The following LGSN variants were observed in gnomAD, a reference collection of about 807,000 sequenced individuals.
The protein encoded by LGSN is lengsin.
A neutral mutation model predicts 19.5 loss-of-function variants in LGSN; 21 were observed. The ratio of observed to expected loss-of-function variants is 1.07; its 90% confidence interval spans 0.76 to 1.55. The LOEUF (loss-of-function observed/expected upper bound fraction) is 1.55. Among genes scored for constraint, LGSN ranks in the 40% most tolerant of loss-of-function variants. LGSN has a pLI of 0.00. For missense variants in LGSN, 673 were observed against 608.5 expected (o/e 1.11, Z -1.12); for synonymous variants, 257 against 215.6 (o/e 1.19, Z -1.68).
the LGSN span, among the ~76,000 whole-genome samples, chr6:63,545,934 C>G: frequency 6.6e-6 from 1 of 152,126 alleles, no homozygotes; most frequent in African/African-American, 2.4e-5. Flanking sequence ...TACTCATTTG[C>G]TTAAAACAAG....
At chr6:63,412,709 G>GGAA in the LGSN span, among the ~76,000 whole-genome samples, 26 of 65,238 alleles carry the variant, frequency 4.0e-4, 1 homozygote, top group African/African-American at 1.7e-3. Context: ...GAAAGAAAGA[G>GGAA]GGAAGGAAGG....
chr6:63,419,919 A>G, the LGSN span, among the ~76,000 whole-genome samples: 1 of 119,320 alleles, frequency 8.4e-6, no homozygotes, highest in East Asian at 2.2e-4. Flanking sequence ...AAAAAAAAAA[A>G]AAAAAGCCTG....
chr6:63,380,423 G>A, the LGSN span, among the ~76,000 whole-genome samples: 3 of 152,202 alleles, frequency 2.0e-5, no homozygotes, highest in East Asian at 3.8e-4. Context: ...AAAGGAAACA[G>A]CATTCCTCCC....
chr6:63,329,360 G>A, the LGSN span, among the ~76,000 whole-genome samples: 2 of 152,156 alleles, frequency 1.3e-5, no homozygotes, highest in East Asian at 3.8e-4. Context: ...TGCTTCCTCT[G>A]GTATTTGAGA....
At chr6:63,546,621 G>A in the LGSN span, among the ~76,000 whole-genome samples, 8 of 151,922 alleles carry the variant, frequency 5.3e-5, no homozygotes, top group Non-Finnish European at 1.2e-4. Context: ...CAGAATAAAC[G>A]CTCAAACCAG....
chr6:63,337,270 C>G, the LGSN span, among the ~76,000 whole-genome samples: 3 of 152,020 alleles, frequency 2.0e-5, no homozygotes, highest in Admixed American at 2.0e-4. Flanking sequence ...AAAAGCCAGC[C>G]TGGCCAACAT....
At chr6:63,560,034 A>AC in the LGSN span, among the ~76,000 whole-genome samples, 10 of 152,194 alleles carry the variant, frequency 6.6e-5, no homozygotes, top group Admixed American at 1.3e-4. Context: ...TAAGGAAGGT[A>AC]CCCCACGGTA....
At chr6:63,440,156 C>G in the LGSN span, among the ~76,000 whole-genome samples, 2 of 152,168 alleles carry the variant, frequency 1.3e-5, no homozygotes, top group Non-Finnish European at 2.9e-5. Flanking sequence ...AGCAGACAGC[C>G]AAGGGACCCT....
At chr6:63,305,673 G>C (rs1711895) in intron 1 of LGSN, among the ~76,000 whole-genome samples, 1 of 152,260 alleles carries the variant, frequency 6.6e-6, no homozygotes, top group African/African-American at 2.4e-5. Context: ...CTCCAGAGTC[G>C]CTCTGAACCT....
chr6:63,511,929 T>A, the LGSN span, among the ~76,000 whole-genome samples: 2 of 152,198 alleles, frequency 1.3e-5, no homozygotes, highest in East Asian at 3.9e-4. Flanking sequence ...AAATTAATAA[T>A]TCCCTAGCAA....
chr6:63,382,918 C>G, the LGSN span, among the ~76,000 whole-genome samples: 4 of 152,120 alleles, frequency 2.6e-5, no homozygotes, highest in Non-Finnish European at 5.9e-5. Context: ...AATACTGTTA[C>G]CATCATTATT....
chr6:63,512,870 C>A, the LGSN span, among the ~76,000 whole-genome samples: 1 of 152,224 alleles, frequency 6.6e-6, no homozygotes, highest in Non-Finnish European at 1.5e-5. Context: ...TCACTCTATT[C>A]TTTCAGCAAA....
At chr6:63,525,972 C>CGGT in the LGSN span, among the ~76,000 whole-genome samples, 1 of 152,126 alleles carries the variant, frequency 6.6e-6, no homozygotes, top group African/African-American at 2.4e-5. Context: ...AACCTTCTTT[C>CGGT]GGTACCAGTA....
the LGSN span, among the ~76,000 whole-genome samples, chr6:63,510,173 A>T: frequency 1.3e-5 from 2 of 152,206 alleles, no homozygotes; most frequent in African/African-American, 2.4e-5. Context: ...GCAGCTTGTG[A>T]CTGCCATAAA....
the LGSN span, among the ~76,000 whole-genome samples, chr6:63,375,911 C>A: frequency 6.6e-6 from 1 of 152,090 alleles, no homozygotes; most frequent in Admixed American, 6.6e-5. Context: ...TAATCACTTT[C>A]TACATATTAT....
chr6:63,413,826 T>C, the LGSN span, among the ~76,000 whole-genome samples: 1 of 152,182 alleles, frequency 6.6e-6, no homozygotes, highest in Non-Finnish European at 1.5e-5. Flanking sequence ...GCAAACAGAA[T>C]AGAGTTCCGA....
the LGSN span, among the ~76,000 whole-genome samples, chr6:63,453,627 T>G: frequency 2.0e-5 from 3 of 152,116 alleles, no homozygotes; most frequent in African/African-American, 7.2e-5. Context: ...TTTTCTGTTC[T>G]TTTACTTTGA....
At chr6:63,431,775 A>C in the LGSN span, among the ~76,000 whole-genome samples, 8 of 152,280 alleles carry the variant, frequency 5.3e-5, no homozygotes, top group African/African-American at 1.9e-4. Flanking sequence ...TTTCATTAAG[A>C]AACAGCATTG....
the LGSN span, among the ~76,000 whole-genome samples, chr6:63,387,725 G>A: frequency 2.4e-4 from 36 of 151,564 alleles, no homozygotes; most frequent in Non-Finnish European, 4.6e-4. Flanking sequence ...TTTGAGCCAG[G>A]GTCCCACTGC....
Sources: allele counts gnomAD v4.1 joint callset (sites outside exome capture counted in the v4.1 genomes callset), GRCh38; gene constraint gnomAD v4.1.1; transcripts MANE v1.5; gene names NCBI Gene and HGNC (gene_info 2026-07-23, HGNC 2026-07-21).